PDE4D: variants seen among roughly 807,000 people sequenced by gnomAD.
PDE4D encodes 3',5'-cyclic-AMP phosphodiesterase 4D.
Under a neutral mutation model 87.4 loss-of-function variants are expected in PDE4D, and 24 were observed. The observed-to-expected ratio is 0.27, with a 90% CI of 0.20 to 0.39. The LOEUF is 0.39. PDE4D is among the 10% of genes least tolerant of loss of function. PDE4D has a pLI of 1.00. For missense variants in PDE4D, 714 were observed against 1,041.0 expected (o/e 0.69, Z 4.32); for synonymous variants, 384 against 383.2 (o/e 1.00, Z -0.02).
chr5:59,044,428 T>C (rs1171007153), intron 5 of PDE4D, among the ~76,000 whole-genome samples: 1 of 152,234 alleles, frequency 6.6e-6, no homozygotes, highest in Non-Finnish European at 1.5e-5. Context: ...TCTTACAAAA[T>C]TTCCCCTTTG....
At chr5:59,925,193 G>GAAAAAAAA (rs1755123208) in intron 3 of PDE4D, among the ~76,000 whole-genome samples, 1 of 114,390 alleles carries the variant, frequency 8.7e-6, no homozygotes, top group African/African-American at 3.9e-5. Flanking sequence ...AAGAAACAAT[G>GAAAAAAAA]AAAGTTAAAA....
At chr5:60,135,576 G>A (rs768790368) in intron 2 of PDE4D, among the ~76,000 whole-genome samples, 22 of 152,260 alleles carry the variant, frequency 1.4e-4, no homozygotes, top group Admixed American at 3.9e-4. Context: ...GAAGGTAGCT[G>A]GATGGAGAAG....
At chr5:59,738,746 T>C (rs981695504) in intron 1 of PDE4D, among the ~76,000 whole-genome samples, 2 of 151,772 alleles carry the variant, frequency 1.3e-5, no homozygotes, top group Non-Finnish European at 2.9e-5. Flanking sequence ...AGTATATTTA[T>C]CTTTAATATT....
At chr5:59,706,848 A>G (rs915459075) in intron 1 of PDE4D, among the ~76,000 whole-genome samples, 1 of 148,092 alleles carries the variant, frequency 6.8e-6, no homozygotes, top group African/African-American at 2.7e-5. Context: ...CTGAAAAAAT[A>G]TTAGAGTGGT....
intron 1 of PDE4D, among the ~76,000 whole-genome samples, chr5:60,295,858 G>A (rs1291888476): frequency 6.6e-6 from 1 of 152,076 alleles, no homozygotes; most frequent in African/African-American, 2.4e-5. Context: ...GTCCACCTGG[G>A]CTGCCATAAA....
intron 11 of PDE4D, among the ~76,000 whole-genome samples, chr5:58,980,996 T>C (rs1398258366): frequency 2.0e-5 from 3 of 152,008 alleles, no homozygotes; most frequent in African/African-American, 4.8e-5. Flanking sequence ...AGAAAGCAAA[T>C]TGCCCTTCCC....
chr5:60,015,787 C>T (rs903061825), intron 2 of PDE4D, among the ~76,000 whole-genome samples: 1 of 152,094 alleles, frequency 6.6e-6, no homozygotes, highest in Non-Finnish European at 1.5e-5. Flanking sequence ...CAGTTGATAG[C>T]CTTCGGATTT....
intron 1 of PDE4D, among the ~76,000 whole-genome samples, chr5:59,609,054 C>T (rs899459402): frequency 5.3e-5 from 8 of 152,142 alleles, no homozygotes; most frequent in South Asian, 2.1e-4. Flanking sequence ...CCCAAGCCAA[C>T]AACTCGTGAG....
At chr5:59,391,916 A>G (rs1217208176) in intron 1 of PDE4D, among the ~76,000 whole-genome samples, 1 of 149,042 alleles carries the variant, frequency 6.7e-6, no homozygotes, top group African/African-American at 2.4e-5. Flanking sequence ...CCCCATACAT[A>G]TTTTTAAATA....
At chr5:60,135,348 C>T (rs1038117369) in intron 2 of PDE4D, among the ~76,000 whole-genome samples, 1 of 152,172 alleles carries the variant, frequency 6.6e-6, no homozygotes, top group African/African-American at 2.4e-5. Flanking sequence ...TTTGTTATAA[C>T]AGCCAGAATG....
rs114219948 is a variant in PDE4D at position 59,045,221 on chromosome 5, G to C, written c.809-6250C>G. Among the ~76,000 whole-genome samples the C allele has an allele frequency of 8.8e-3, 1,334 of 152,304 alleles. 29 individuals are homozygous for C. Among genetic ancestry groups the C allele is most frequent in the African/African-American group, 0.031 (1,282 of 41,576 alleles). The stretch of plus-strand genomic sequence containing the variant: ...AAAAGAGAGTGGGAAGGATTTTTAA[G>C]AGAAAAGATGAGCAAGCACACAGAC... On this transcript the variant is annotated intron_variant, in intron 5 of 14. Transcript: ENST00000340635.
At chr5:59,408,652 T>C (rs569898505) in intron 1 of PDE4D, among the ~76,000 whole-genome samples, 1 of 152,330 alleles carries the variant, frequency 6.6e-6, no homozygotes, top group Admixed American at 6.5e-5. Flanking sequence ...AGAGCAGTCA[T>C]GGAGGCTTCA....
intron 1 of PDE4D, among the ~76,000 whole-genome samples, chr5:59,831,276 A>G (rs1009115223): frequency 1.4e-4 from 20 of 142,546 alleles, no homozygotes; most frequent in Admixed American, 6.5e-4. Context: ...TGCAGATAGA[A>G]TGGTCAAGAT....
intron 3 of PDE4D, among the ~76,000 whole-genome samples, chr5:59,931,217 T>C (rs562781322): frequency 6.6e-6 from 1 of 152,354 alleles, no homozygotes; most frequent in East Asian, 1.9e-4. Flanking sequence ...ACTTTACATA[T>C]GTAATTTTAA....
At chr5:59,956,712 C>G (rs1051102638) in intron 3 of PDE4D, among the ~76,000 whole-genome samples, 3 of 152,092 alleles carry the variant, frequency 2.0e-5, no homozygotes, top group African/African-American at 7.2e-5. Flanking sequence ...TATGCTTATT[C>G]AGAGTCTGCT....
At chr5:59,287,684 C>T (rs1767233764) in intron 1 of PDE4D, among the ~76,000 whole-genome samples, 1 of 151,752 alleles carries the variant, frequency 6.6e-6, no homozygotes, top group African/African-American at 2.4e-5. Context: ...ATTTGTGTTA[C>T]CCCTCCCCCA....
intron 1 of PDE4D, among the ~76,000 whole-genome samples, chr5:60,437,087 C>G (rs1236957462): frequency 6.6e-6 from 1 of 152,052 alleles, no homozygotes; most frequent in Non-Finnish European, 1.5e-5. Flanking sequence ...ATCACTTTTT[C>G]TCCCCCACAT....
chr5:59,752,205 T>A (rs1760583847), intron 1 of PDE4D, among the ~76,000 whole-genome samples: 1 of 152,074 alleles, frequency 6.6e-6, no homozygotes, highest in African/African-American at 2.4e-5. Context: ...AGTATGTGAG[T>A]CAAATTAAGC....
rs78774845 is a variant in PDE4D, at chr5:60,229,626, C to T, written c.-89-43939G>A. Among the ~76,000 whole-genome samples, 1,265 of 152,190 alleles carry T rather than the reference C, an allele frequency of 8.3e-3. 19 individuals are homozygous for T. The highest frequency in any genetic ancestry group is 0.03 in the African/African-American group (1,226 of 41,548). On this transcript the variant is annotated intron_variant, in intron 1 of 16. Transcript: ENST00000502484. The stretch of plus-strand genomic sequence containing the variant: ...TTATTTGCCAAATGCCAATGGAAAA[C>T]TCCATGCTATCAAGACAGGTCTCCT...
Sources: gnomAD v4.1 joint callset for allele counts (sites outside exome capture counted in the v4.1 genomes callset) on GRCh38, gnomAD v4.1.1 for gene constraint, MANE v1.5 for transcripts, NCBI Gene and HGNC (gene_info 2026-07-23, HGNC 2026-07-21) for gene names.